CFAP44: variants seen among roughly 807,000 people sequenced by gnomAD.
CFAP44 encodes the protein cilia and flagella associated protein 44.
Under a neutral mutation model 216.2 loss-of-function variants are expected in CFAP44, and 134 were observed. That is an observed-to-expected ratio of 0.62 (90% CI 0.54 to 0.72). The LOEUF (loss-of-function observed/expected upper bound fraction) is 0.72. Ranked by LOEUF, CFAP44 falls within the 30% of genes least tolerant of loss-of-function variation. The probability of loss-of-function intolerance (pLI) is 0.00; values close to 1 mark genes in which losing one functional copy is unlikely to be tolerated. For synonymous variants in CFAP44, 700 were observed against 727.6 expected (o/e 0.96, Z 0.61); for missense variants, 2,035 against 2,182.1 (o/e 0.93, Z 1.34).
intron 32 of CFAP44, among the ~76,000 whole-genome samples, chr3:113,301,755 C>T (rs1246598550): frequency 6.6e-6 from 1 of 152,154 alleles, no homozygotes; most frequent in Non-Finnish European, 1.5e-5. Flanking sequence ...CATTGCCTCA[C>T]ATACTTTCTT....
intron 28 of CFAP44, among the ~76,000 whole-genome samples, chr3:113,321,629 C>T (rs980647808): frequency 6.6e-6 from 1 of 152,148 alleles, no homozygotes; most frequent in Non-Finnish European, 1.5e-5. Flanking sequence ...CCAAAGATTG[C>T]CAAGAGGCTA....
chr3:113,315,469 CCCACAATTGTATTT>C (rs1444369763), intron 28 of CFAP44, among the ~76,000 whole-genome samples: 6 of 152,060 alleles, frequency 3.9e-5, no homozygotes, highest in Admixed American at 3.9e-4. Flanking sequence ...AATGAAATAA[CCCACAATTGTATTT>C]AGATACCTTA....
intron 13 of CFAP44, among the ~76,000 whole-genome samples, chr3:113,397,903 G>C (rs1009096254): frequency 2.0e-5 from 3 of 152,052 alleles, no homozygotes; most frequent in African/African-American, 4.8e-5. Context: ...AGGTCCCCTT[G>C]AGATTTTAAA....
chr3:113,340,253 T>C (rs1950319513), intron 24 of CFAP44, among the ~76,000 whole-genome samples: 1 of 152,206 alleles, frequency 6.6e-6, no homozygotes. Context: ...CTTCGGAGGC[T>C]GAGCCTAATG....
Position 113,355,046 on chromosome 3 carries a change from C to A in CFAP44, c.3065+3699G>T, listed in dbSNP as rs114610519. Among the ~76,000 whole-genome samples, 1,511 of 152,230 alleles carry A rather than the reference C, an allele frequency of 9.9e-3. 19 individuals are homozygous for A. The highest frequency in any genetic ancestry group is 0.034 in the African/African-American group (1,431 of 41,544). On this transcript the variant is annotated intron_variant, in intron 22 of 34. Transcript: ENST00000393845. ...ACATTCCCCAGTACCAACCTGGAGCCCGGTAGCTCTGCTGGGACCCAGGGG... is the reference window on the plus strand; with the variant it reads ...ACATTCCCCAGTACCAACCTGGAGCACGGTAGCTCTGCTGGGACCCAGGGG...
intron 1 of CFAP44, among the ~76,000 whole-genome samples, chr3:113,438,512 G>T (rs1456228847): frequency 6.6e-6 from 1 of 152,168 alleles, no homozygotes; most frequent in African/African-American, 2.4e-5. Flanking sequence ...ACACAGGAAA[G>T]CTCTAAGAAT....
At chr3:113,350,814 G>A (rs907660280) in intron 22 of CFAP44, among the ~76,000 whole-genome samples, 1 of 152,218 alleles carries the variant, frequency 6.6e-6, no homozygotes, top group Non-Finnish European at 1.5e-5. Context: ...AAGAGGAAAG[G>A]CAAAGGGGTA....
intron 26 of CFAP44, among the ~76,000 whole-genome samples, chr3:113,329,680 T>C (rs183868719): frequency 8.8e-4 from 134 of 152,288 alleles, no homozygotes; most frequent in African/African-American, 3.0e-3. Flanking sequence ...TAGTCGCCAT[T>C]CCAGCTCCAG....
chr3:113,326,582 AGTT>A lies in CFAP44; in HGVS notation c.4376_4378del (p.Lys1459_Leu1460delinsIle), dbSNP rs1950191532. On this transcript the variant is annotated inframe_deletion, in exon 28 of 35. Transcript: ENST00000393845. ...ATAGAGTGCCTTTTCTTGCTCCTGG[AGTT>A]TGGTGATTTCATTCTTTTTCTCTTC... is the stretch of plus-strand genomic sequence containing the variant. 6.5e-7 allele frequency: 1 copy of A among 1,530,302 alleles called. No individual in the cohort carries two copies. The highest frequency in any genetic ancestry group is 1.4e-5 in the African/African-American group (1 of 72,586). The allele number at this position is 1,530,302 out of a possible 1,614,324, so 94.8% of individuals were successfully genotyped here. A position where few individuals can be genotyped will look rare whatever the true frequency, so the allele number is the denominator to read the frequency against.
intron 32 of CFAP44, among the ~76,000 whole-genome samples, chr3:113,299,960 G>A (rs1026229271): frequency 1.3e-5 from 2 of 152,202 alleles, no homozygotes; most frequent in Non-Finnish European, 2.9e-5. Context: ...GAGCCTGAGA[G>A]GTCAAGGCTG....
intron 17 of CFAP44, among the ~76,000 whole-genome samples, chr3:113,377,147 G>T (rs1933368700): frequency 6.6e-6 from 1 of 152,136 alleles, no homozygotes; most frequent in South Asian, 2.1e-4. Flanking sequence ...GTAAGAGAAG[G>T]TACAAAATGC....
intron 15 of CFAP44, 90 bp from the exon 16 acceptor site, chr3:113,381,150 G>A (rs1933496796): frequency 4.3e-6 from 4 of 927,566 alleles, no homozygotes; most frequent in Admixed American, 3.6e-5. Flanking sequence ...TAATTACTAT[G>A]TATATTAGCC....
intron 18 of CFAP44, among the ~76,000 whole-genome samples, chr3:113,368,916 GC>G (rs746830679): frequency 3.5e-4 from 53 of 152,020 alleles, no homozygotes; most frequent in Non-Finnish European, 6.6e-4. Context: ...CAAATGGAAA[GC>G]AAAAAAAGCA....
At chr3:113,439,131 C>T (rs528542462) in intron 1 of CFAP44, among the ~76,000 whole-genome samples, 65 of 152,250 alleles carry the variant, frequency 4.3e-4, no homozygotes, top group South Asian at 2.1e-3. Flanking sequence ...GCATAAATTT[C>T]GTTTCATTAG....
At chr3:113,371,644 C>A (rs1175957099) in intron 18 of CFAP44, among the ~76,000 whole-genome samples, 1 of 152,182 alleles carries the variant, frequency 6.6e-6, no homozygotes, top group Non-Finnish European at 1.5e-5. Flanking sequence ...AAAACCTAGG[C>A]AATACCATTC....
At chr3:113,313,197 TG>T (rs1163730198) in intron 28 of CFAP44, among the ~76,000 whole-genome samples, 2 of 152,126 alleles carry the variant, frequency 1.3e-5, no homozygotes, top group Non-Finnish European at 2.9e-5. Flanking sequence ...ACCCACCTCT[TG>T]GATGTGAGAC....
At chr3:113,338,255 CAAAAAAAAA>C (rs10574877) in intron 24 of CFAP44, among the ~76,000 whole-genome samples, 6 of 43,018 alleles carry the variant, frequency 1.4e-4, no homozygotes, top group Non-Finnish European at 2.2e-4. Flanking sequence ...GACAATGTCT[CAAAAAAAAA>C]AAAAAAAAAA....
At chr3:113,319,778 A>G (rs990453679) in intron 28 of CFAP44, among the ~76,000 whole-genome samples, 2 of 152,208 alleles carry the variant, frequency 1.3e-5, no homozygotes, top group African/African-American at 4.8e-5. Flanking sequence ...TGAAACCAAG[A>G]GGTTTTTTTC....
intron 22 of CFAP44, among the ~76,000 whole-genome samples, chr3:113,358,326 C>CA (rs1280333775): frequency 1.6e-4 from 23 of 148,262 alleles, no homozygotes; most frequent in East Asian, 5.9e-4. Context: ...CAGTAAATGG[C>CA]AAAAAAAAAC....
Sources: allele counts gnomAD v4.1 joint callset (sites outside exome capture counted in the v4.1 genomes callset), GRCh38; gene constraint gnomAD v4.1.1; transcripts MANE v1.5; gene names NCBI Gene and HGNC (gene_info 2026-07-23, HGNC 2026-07-21).